CCDC73: variants seen among roughly 807,000 people sequenced by gnomAD.
CCDC73 encodes the protein coiled-coil domain containing 73.
Under a neutral mutation model 116.5 loss-of-function variants are expected in CCDC73, and 95 were observed. That is an observed-to-expected ratio of 0.82 (90% CI 0.69 to 0.97). The LOEUF is 0.97. Among genes scored for constraint, CCDC73 ranks in the 50% least tolerant of loss-of-function variants. CCDC73 has a pLI of 0.00. For synonymous variants in CCDC73, 398 were observed against 401.3 expected (o/e 0.99, Z 0.10); for missense variants, 1,066 against 1,206.8 (o/e 0.88, Z 1.73).
At chr11:32,629,921 C>CA (rs367693675) in intron 14 of CCDC73, among the ~76,000 whole-genome samples, 7,659 of 54,806 alleles carry the variant, frequency 0.14, 881 homozygotes, top group African/African-American at 0.3. Context: ...AGCAGATATG[C>CA]AAAAAAAAAA....
the CCDC73 span, among the ~76,000 whole-genome samples, chr11:32,827,166 G>A: frequency 1.3e-5 from 2 of 152,120 alleles, no homozygotes; most frequent in East Asian, 3.9e-4. Context: ...GCCCGACCAA[G>A]AATATTATAA....
intron 9 of CCDC73, among the ~76,000 whole-genome samples, chr11:32,664,577 T>C (rs1319172456): frequency 6.6e-6 from 1 of 152,184 alleles, no homozygotes; most frequent in African/African-American, 2.4e-5. Context: ...CTTTTCTTTT[T>C]TATTAGGCTT....
At chr11:32,665,377 T>C (rs1157215839) in intron 9 of CCDC73, among the ~76,000 whole-genome samples, 1 of 152,208 alleles carries the variant, frequency 6.6e-6, no homozygotes, top group Non-Finnish European at 1.5e-5. Context: ...GATAGTTAGC[T>C]CTTCTTGTTG....
intron 9 of CCDC73, among the ~76,000 whole-genome samples, chr11:32,669,708 T>A (rs757558210): frequency 2.2e-4 from 34 of 152,006 alleles, no homozygotes; most frequent in Middle Eastern, 3.4e-3. Flanking sequence ...AAATGAGAAC[T>A]GTAATGTTTA....
chr11:32,762,552 T>C (rs1250981075), intron 1 of CCDC73, among the ~76,000 whole-genome samples: 1 of 152,126 alleles, frequency 6.6e-6, no homozygotes. Context: ...GTAACCCACC[T>C]TCTACAGGAG....
chr11:32,729,383 G>A (rs1338918189), intron 2 of CCDC73, among the ~76,000 whole-genome samples: 1 of 152,140 alleles, frequency 6.6e-6, no homozygotes, highest in Non-Finnish European at 1.5e-5. Context: ...ATATTCCATG[G>A]TGTGTATATA....
intron 1 of CCDC73, among the ~76,000 whole-genome samples, chr11:32,778,705 A>T (rs980484292): frequency 6.6e-6 from 1 of 152,022 alleles, no homozygotes; most frequent in Non-Finnish European, 1.5e-5. Flanking sequence ...CCAGCTACTT[A>T]GGAGGCTAAG....
chr11:32,705,342 C>T (rs376687233), intron 3 of CCDC73, among the ~76,000 whole-genome samples: 14 of 152,190 alleles, frequency 9.2e-5, no homozygotes, highest in African/African-American at 3.4e-4. Context: ...CTCTTTTGGG[C>T]TCTGTGGTTC....
At chr11:32,624,898 G>T (rs1213028688) in intron 14 of CCDC73, among the ~76,000 whole-genome samples, 3 of 152,144 alleles carry the variant, frequency 2.0e-5, no homozygotes, top group Admixed American at 6.5e-5. Flanking sequence ...GGATGAAGGT[G>T]GAAACCATCA....
chr11:32,829,662 C>A, the CCDC73 span: 2 of 720,810 alleles, frequency 2.8e-6, no homozygotes, highest in Admixed American at 6.3e-5. Flanking sequence ...GACTGAGAAC[C>A]GAAATGCTTC....
rs561260229 is a variant in CCDC73, at chr11:32,777,708, A to T, written c.-16+16905T>A. ...TTAAACATTACTAATATTTTATAAG[A>T]AAGGTATATTTCTTTGAACAGATCT... On this transcript the variant is annotated intron_variant, in intron 1 of 17. Transcript: ENST00000335185. Among the ~76,000 whole-genome samples, 5 of 152,288 alleles carry T rather than the reference A, an allele frequency of 3.3e-5. No individual in the cohort carries two copies. The East Asian group carries it at 9.6e-4, about 29-fold the overall frequency.
intron 2 of CCDC73, among the ~76,000 whole-genome samples, chr11:32,744,937 C>T (rs1413097996): frequency 6.6e-6 from 1 of 152,062 alleles, no homozygotes; most frequent in East Asian, 1.9e-4. Flanking sequence ...TATTTCTTGT[C>T]TTCTGCTAGA....
intron 12 of CCDC73, among the ~76,000 whole-genome samples, chr11:32,644,769 C>T (rs564652914): frequency 1.3e-3 from 199 of 152,296 alleles, no homozygotes; most frequent in Middle Eastern, 3.4e-3. Flanking sequence ...CTATTCTTCA[C>T]TGACCATCAA....
At chr11:32,670,001 G>A (rs1856021401) in intron 9 of CCDC73, among the ~76,000 whole-genome samples, 1 of 152,106 alleles carries the variant, frequency 6.6e-6, no homozygotes, top group African/African-American at 2.4e-5. Flanking sequence ...TGTCAATTGA[G>A]TCTACTTTTT....
At chr11:32,785,181 C>T (rs1850617277) in intron 1 of CCDC73, among the ~76,000 whole-genome samples, 1 of 152,022 alleles carries the variant, frequency 6.6e-6, no homozygotes, top group Non-Finnish European at 1.5e-5. Flanking sequence ...AAAAAAAGAA[C>T]AGAACAGTGT....
chr11:32,602,995 G>A lies in CCDC73; in HGVS notation c.3056C>T (p.Thr1019Ile), dbSNP rs776502529. 8.1e-6 allele frequency: 13 copies of A among 1,603,690 alleles called. No individual in the cohort carries two copies. The highest frequency in any genetic ancestry group is 1.3e-5 in the African/African-American group (1 of 74,148). The change falls in exon 18 of 18, where the codon ACT (threonine) becomes ATT (isoleucine). Residue 1019 changes from threonine (T) to isoleucine (I), a missense_variant. Transcript: ENST00000335185. ...EHVKTKPLIS[T>I]PLQSHLQAIK... is the part of the protein sequence containing the mutation. ...TGCCTGCAAATGGCTTTGTAGTGGA[G>A]TTGATATCAGAGGCTTTGTTTTCAC...
Position 32,655,760 on chromosome 11 carries a change from AC to A in CCDC73, c.646-789del, listed in dbSNP as rs1266860928. 2.6e-5 allele frequency among the ~76,000 whole-genome samples: 4 copies of A among 152,356 alleles called. No homozygotes were observed. In the East Asian group the frequency reaches 5.8e-4, roughly 22 times the overall value. ...GGATTCTGAGTAGAAGAATGACATA[AC>A]AAAATTTGCATTTTAGAAAAATAAC... is the stretch of plus-strand genomic sequence containing the variant. On this transcript the variant is annotated intron_variant, in intron 9 of 17. Coordinates refer to ENST00000335185, the MANE Select transcript of CCDC73 (RefSeq NM_001008391.4).
intron 14 of CCDC73, among the ~76,000 whole-genome samples, chr11:32,617,530 C>T (rs907439876): frequency 2.6e-5 from 4 of 152,102 alleles, no homozygotes; most frequent in Admixed American, 2.0e-4. Context: ...AGAGAACACA[C>T]GGGGCAGAGT....
intron 9 of CCDC73, among the ~76,000 whole-genome samples, chr11:32,663,196 T>C (rs1014578590): frequency 2.0e-5 from 3 of 152,112 alleles, no homozygotes; most frequent in Admixed American, 6.6e-5. Context: ...ATATGAACTT[T>C]AGTTTTTTCC....
Sources: gnomAD v4.1 joint callset for allele counts (sites outside exome capture counted in the v4.1 genomes callset) on GRCh38, gnomAD v4.1.1 for gene constraint, MANE v1.5 for transcripts, NCBI Gene and HGNC (gene_info 2026-07-23, HGNC 2026-07-21) for gene names.